Variants in MDGA2 observed in about 807,000 individuals in gnomAD.
The protein encoded by MDGA2 is MAM domain containing glycosylphosphatidylinositol anchor 2, also known as MAM domain-containing glycosylphosphatidylinositol anchor protein 2.
Under a neutral mutation model 117.8 loss-of-function variants are expected in MDGA2, and 40 were observed. The ratio of observed to expected loss-of-function variants is 0.34; its 90% CI spans 0.26 to 0.44. The LOEUF is 0.44. Ranked by LOEUF, MDGA2 falls within the 20% of genes least tolerant of loss-of-function variation. MDGA2 has a pLI of 1.00. For synonymous variants in MDGA2, 452 were observed against 439.0 expected (o/e 1.03, Z -0.37); for missense variants, 1,123 against 1,250.6 (o/e 0.90, Z 1.54).
At chr14:47,672,729 A>G (rs1426527028) in intron 1 of MDGA2, among the ~76,000 whole-genome samples, 2 of 152,216 alleles carry the variant, frequency 1.3e-5, no homozygotes, top group Non-Finnish European at 2.9e-5. Context: ...ATGGGATGAG[A>G]AGAATTCAGA....
intron 1 of MDGA2, among the ~76,000 whole-genome samples, chr14:47,507,848 T>G (rs927666734): frequency 2.0e-4 from 31 of 152,150 alleles, no homozygotes; most frequent in African/African-American, 7.5e-4. Context: ...GTTGATTGCT[T>G]GGGTTACTCT....
chr14:47,232,938 G>A (rs1251202194), intron 2 of MDGA2, among the ~76,000 whole-genome samples: 2 of 152,088 alleles, frequency 1.3e-5, no homozygotes, highest in African/African-American at 2.4e-5. Context: ...CAGAAGTTAC[G>A]TTCTGCTAAA....
rs1414775616 is a variant in MDGA2 at position 47,446,447 on chromosome 14, C to A, written c.281-144897G>T. Reference sequence around the variant, plus strand: ...AACAGAGAGCTACAGCTTAAACAGTCATATTATAGGTTTCCCCTTCCTTTA... The same window carrying A: ...AACAGAGAGCTACAGCTTAAACAGTAATATTATAGGTTTCCCCTTCCTTTA... On this transcript the variant is annotated intron_variant, in intron 1 of 16. Coordinates refer to ENST00000399232, the MANE Select transcript of MDGA2 (RefSeq NM_001113498.3). Among the ~76,000 whole-genome samples, 6 of 151,350 alleles carry A rather than the reference C, an allele frequency of 4.0e-5. No individual in the cohort carries two copies. In the East Asian group the frequency reaches 1.2e-3, roughly 29 times the overall value.
chr14:47,141,448 A>G (rs1389935771), intron 4 of MDGA2, among the ~76,000 whole-genome samples: 1 of 152,222 alleles, frequency 6.6e-6, no homozygotes, highest in Admixed American at 6.5e-5. Flanking sequence ...TACATAATGG[A>G]ATACTATTCA....
intron 1 of MDGA2, among the ~76,000 whole-genome samples, chr14:47,521,703 ACT>A (rs1166438402): frequency 1.3e-5 from 2 of 151,948 alleles, no homozygotes; most frequent in Non-Finnish European, 2.9e-5. Flanking sequence ...ATGGAGTCTT[ACT>A]CTGTCACCCA....
intron 1 of MDGA2, among the ~76,000 whole-genome samples, chr14:47,403,214 C>G (rs887990881): frequency 7.9e-5 from 12 of 152,110 alleles, no homozygotes; most frequent in Non-Finnish European, 1.3e-4. Flanking sequence ...TTGTTAAGTC[C>G]CAGATGTCCT....
At chr14:47,486,258 A>G (rs550602290) in intron 1 of MDGA2, among the ~76,000 whole-genome samples, 2 of 152,322 alleles carry the variant, frequency 1.3e-5, no homozygotes, top group African/African-American at 4.8e-5. Context: ...TTGCAACTTT[A>G]GATTAGACTG....
chr14:47,361,207 C>CTCTCTCTCTATATA (rs61280975), intron 1 of MDGA2, among the ~76,000 whole-genome samples: 1 of 140,496 alleles, frequency 7.1e-6, no homozygotes, highest in Non-Finnish European at 1.5e-5. Context: ...CTCTCTCTCT[C>CTCTCTCTCTATATA]TATATATATA....
intron 3 of MDGA2, among the ~76,000 whole-genome samples, chr14:47,173,122 A>G (rs1884243062): frequency 1.3e-5 from 2 of 152,330 alleles, no homozygotes; most frequent in South Asian, 4.1e-4. Context: ...AGAAACAAAC[A>G]AAGCCTCCAA....
Position 47,588,233 on chromosome 14 carries a change from GATAGAT to G in MDGA2, c.280+86278_280+86283del, listed in dbSNP as rs1430791187. ...TATATTTTCAAATCTCTTGGAGATAGATAGATATATATATATATATATATATATACA... is the reference window on the plus strand; with the variant it reads ...TATATTTTCAAATCTCTTGGAGATAGATATATATATATATATATATATACA... On this transcript the variant is annotated intron_variant, in intron 1 of 16. Coordinates refer to ENST00000399232, the MANE Select transcript of MDGA2 (RefSeq NM_001113498.3). Among the ~76,000 whole-genome samples the G allele has an allele frequency of 2.3e-4, 19 of 83,712 alleles. 1 individual carries two copies. The highest frequency in any genetic ancestry group is 6.2e-3 in the Middle Eastern group (1 of 162). The allele number at this position is 83,712 out of a possible 152,430, so 54.9% of individuals were successfully genotyped here.
Position 46,994,863 on chromosome 14 carries a change from G to C in MDGA2, c.1820-37220C>G, listed in dbSNP as rs532369221. Reference sequence around the variant, plus strand: ...GCAATTAAATATAATTCCTTATACTGTGTTCCTTTTTTAAAACACAAAGGA... The same window carrying C: ...GCAATTAAATATAATTCCTTATACTCTGTTCCTTTTTTAAAACACAAAGGA... On this transcript the variant is annotated intron_variant, in intron 8 of 16. Transcript: ENST00000399232. Among the ~76,000 whole-genome samples the C allele has an allele frequency of 9.9e-5, 15 of 152,206 alleles. No individual in the cohort carries two copies. In the South Asian group the frequency reaches 2.9e-3, roughly 29 times the overall value.
At chr14:46,936,877 C>G (rs1423235017) in intron 9 of MDGA2, among the ~76,000 whole-genome samples, 1 of 151,808 alleles carries the variant, frequency 6.6e-6, no homozygotes, top group East Asian at 1.9e-4. Context: ...TTTCAAAGAA[C>G]TGGAACAAGA....
At chr14:47,106,437 T>C (rs1880682516) in intron 5 of MDGA2, among the ~76,000 whole-genome samples, 2 of 151,954 alleles carry the variant, frequency 1.3e-5, no homozygotes, top group East Asian at 2.0e-4. Context: ...CAGAACCTCC[T>C]CCCACAGGAG....
intron 1 of MDGA2, among the ~76,000 whole-genome samples, chr14:47,569,444 G>A (rs1290499913): frequency 1.3e-5 from 2 of 152,252 alleles, no homozygotes; most frequent in South Asian, 2.1e-4. Context: ...TTTACATTTC[G>A]TGATTGGGGA....
intron 1 of MDGA2, among the ~76,000 whole-genome samples, chr14:47,361,801 T>C (rs964162370): frequency 1.3e-5 from 2 of 152,150 alleles, no homozygotes; most frequent in African/African-American, 4.8e-5. Context: ...GGGCAGTTTA[T>C]GAGAAAGTTT....
At chr14:46,852,922 A>G (rs751173761) in intron 15 of MDGA2, among the ~76,000 whole-genome samples, 42 of 152,110 alleles carry the variant, frequency 2.8e-4, no homozygotes, top group Non-Finnish European at 5.6e-4. Flanking sequence ...AACAGTCACA[A>G]TATCTGGTAC....
chr14:46,895,948 T>G (rs1211721583), intron 10 of MDGA2, among the ~76,000 whole-genome samples: 1 of 152,140 alleles, frequency 6.6e-6, no homozygotes, highest in Non-Finnish European at 1.5e-5. Flanking sequence ...ATAGTACGTA[T>G]TGCTACTAAA....
intron 1 of MDGA2, among the ~76,000 whole-genome samples, chr14:47,659,174 AC>A (rs1048408343): frequency 2.0e-5 from 3 of 152,206 alleles, no homozygotes; most frequent in African/African-American, 7.2e-5. Flanking sequence ...TAAGATTATG[AC>A]CAAACTAACA....
At chr14:47,038,620 C>A (rs1888945121) in intron 7 of MDGA2, among the ~76,000 whole-genome samples, 1 of 151,864 alleles carries the variant, frequency 6.6e-6, no homozygotes, top group Non-Finnish European at 1.5e-5. Context: ...ATAGCAAAAT[C>A]TAGCTAAAAG....
Sources: allele counts gnomAD v4.1 joint callset (sites outside exome capture counted in the v4.1 genomes callset), GRCh38; gene constraint gnomAD v4.1.1; transcripts MANE v1.5; gene names NCBI Gene and HGNC (gene_info 2026-07-23, HGNC 2026-07-21).